CCDC178: variants seen among roughly 807,000 people sequenced by gnomAD.
CCDC178 encodes coiled-coil domain containing 178.
CCDC178 carries 126 observed loss-of-function variants against 117.4 expected under a neutral mutation model. That is an observed-to-expected ratio of 1.07 (90% CI 0.93 to 1.24). The LOEUF (loss-of-function observed/expected upper bound fraction) is 1.24, where lower values mean the gene tolerates loss of function less well. Among genes scored for constraint, CCDC178 ranks in the 50% most tolerant of loss-of-function variants. CCDC178 has a pLI of 0.00. For missense variants in CCDC178, 1,030 were observed against 986.9 expected (o/e 1.04, Z -0.59); for synonymous variants, 283 against 313.4 (o/e 0.90, Z 1.02).
At chr18:33,271,309 G>A (rs2059886641) in intron 12 of CCDC178, among the ~76,000 whole-genome samples, 1 of 151,344 alleles carries the variant, frequency 6.6e-6, no homozygotes, top group Non-Finnish European at 1.5e-5. Flanking sequence ...GACGGAATGA[G>A]TTTGAAGGAA....
chr18:32,938,131 CATTA>C, intron 22 of CCDC178, 40 bp from the exon 23 acceptor site: 12 of 1,340,950 alleles, frequency 8.9e-6, no homozygotes, highest in Non-Finnish European at 1.3e-5. Flanking sequence ...AATAAGTACT[CATTA>C]ATTAAGAAAA....
rs746505005 is a variant in CCDC178, at chr18:33,091,324, C to CTTTTT, written c.2388+1432_2388+1436dup. Among the ~76,000 whole-genome samples, 302 of 43,896 alleles carry CTTTTT rather than the reference C, an allele frequency of 6.9e-3. 49 individuals carry two copies. The highest frequency in any genetic ancestry group is 0.02 in the African/African-American group (253 of 12,460). 28.8% of individuals were successfully genotyped at this position (43,896 alleles called of 152,430 possible). A position where few individuals can be genotyped will look rare whatever the true frequency, so the allele number is the denominator to read the frequency against. On this transcript the variant is annotated intron_variant, in intron 21 of 22. Coordinates refer to ENST00000383096, the MANE Select transcript of CCDC178 (RefSeq NM_001105528.4). Reference sequence around the variant, plus strand: ...CTTTCCCAAACACACTTATTTCATTCTTTTTTTTTTTTTTTTTTTTTTTTT... The same window carrying CTTTTT: ...CTTTCCCAAACACACTTATTTCATTCTTTTTTTTTTTTTTTTTTTTTTTTTTTTTT...
At chr18:33,140,820 CA>C (rs954622451) in intron 20 of CCDC178, among the ~76,000 whole-genome samples, 2 of 152,060 alleles carry the variant, frequency 1.3e-5, no homozygotes, top group Non-Finnish European at 2.9e-5. Context: ...TTGGATGTGC[CA>C]GGAATGGAAT....
chr18:33,000,155 A>T (rs982923684), intron 21 of CCDC178, among the ~76,000 whole-genome samples: 4 of 152,050 alleles, frequency 2.6e-5, no homozygotes, highest in African/African-American at 9.7e-5. Flanking sequence ...TGAAATAATT[A>T]AAAAGAACCA....
chr18:33,246,735 T>A (rs1017681908), intron 14 of CCDC178, among the ~76,000 whole-genome samples: 2 of 151,714 alleles, frequency 1.3e-5, no homozygotes, highest in African/African-American at 4.8e-5. Flanking sequence ...GGGCTTTGCA[T>A]GAGCTGTGCT....
chr18:33,419,025 C>G (rs1263547040), intron 2 of CCDC178, among the ~76,000 whole-genome samples: 1 of 151,742 alleles, frequency 6.6e-6, no homozygotes, highest in African/African-American at 2.4e-5. Flanking sequence ...ATAAAAAAAT[C>G]CCCACTTCAA....
At chr18:33,067,364 A>T (rs983324799) in intron 21 of CCDC178, among the ~76,000 whole-genome samples, 1 of 152,228 alleles carries the variant, frequency 6.6e-6, no homozygotes, top group Admixed American at 6.5e-5. Flanking sequence ...CAGTGCTAAG[A>T]GGGAAGTTTA....
At chr18:32,949,637 C>G (rs1267409312) in intron 22 of CCDC178, among the ~76,000 whole-genome samples, 1 of 152,076 alleles carries the variant, frequency 6.6e-6, no homozygotes, top group Admixed American at 6.6e-5. Flanking sequence ...ATATGGGATA[C>G]TGTTATAACT....
chr18:33,381,699 G>A (rs1198849244), intron 5 of CCDC178, among the ~76,000 whole-genome samples: 2 of 151,964 alleles, frequency 1.3e-5, no homozygotes, highest in Non-Finnish European at 2.9e-5. Flanking sequence ...TGCAGACCAT[G>A]CAAATTGGTC....
chr18:32,938,801 G>T (rs1230772780), intron 22 of CCDC178, among the ~76,000 whole-genome samples: 1 of 152,080 alleles, frequency 6.6e-6, no homozygotes, highest in Non-Finnish European at 1.5e-5. Context: ...TTGTCTTAAG[G>T]TTTATCTATT....
At chr18:33,090,544 G>A (rs1263448988) in intron 21 of CCDC178, among the ~76,000 whole-genome samples, 2 of 152,106 alleles carry the variant, frequency 1.3e-5, no homozygotes, top group African/African-American at 4.8e-5. Flanking sequence ...AAATATTAAA[G>A]AGTTTTCCAT....
At chr18:33,174,907 T>C (rs1395528315) in intron 20 of CCDC178, among the ~76,000 whole-genome samples, 3 of 152,112 alleles carry the variant, frequency 2.0e-5, no homozygotes, top group African/African-American at 7.2e-5. Flanking sequence ...CAGGCTGGAG[T>C]GCAGTGGCGT....
chr18:33,360,402 A>T (rs2063109681), intron 6 of CCDC178, among the ~76,000 whole-genome samples: 1 of 151,460 alleles, frequency 6.6e-6, no homozygotes, highest in Admixed American at 6.6e-5. Flanking sequence ...TACACAATAG[A>T]TTATTCAGCT....
At chr18:33,189,260 G>A (rs1287922061) in intron 20 of CCDC178, among the ~76,000 whole-genome samples, 5 of 152,122 alleles carry the variant, frequency 3.3e-5, no homozygotes, top group Admixed American at 2.0e-4. Context: ...ATAACAAGAT[G>A]AGGGGTTTGC....
chr18:33,043,049 T>C (rs1366617419), intron 21 of CCDC178, among the ~76,000 whole-genome samples: 2 of 152,004 alleles, frequency 1.3e-5, no homozygotes, highest in African/African-American at 4.8e-5. Context: ...CACTGATTAC[T>C]TAATTTTCAA....
At chr18:33,353,074 G>A (rs114820026) in intron 7 of CCDC178, among the ~76,000 whole-genome samples, 64 of 151,468 alleles carry the variant, frequency 4.2e-4, no homozygotes, top group African/African-American at 1.5e-3. Flanking sequence ...TTATATGTCT[G>A]TTTTGAGGTT....
At chr18:33,340,824 G>C (rs532397924) in intron 9 of CCDC178, among the ~76,000 whole-genome samples, 35 of 152,308 alleles carry the variant, frequency 2.3e-4, no homozygotes, top group African/African-American at 8.4e-4. Context: ...TGGATGTCCA[G>C]GCAAAAGTTT....
intron 20 of CCDC178, among the ~76,000 whole-genome samples, chr18:33,175,628 G>A (rs2058656400): frequency 6.6e-6 from 1 of 152,158 alleles, no homozygotes; most frequent in South Asian, 2.1e-4. Flanking sequence ...CTAAGCAGAG[G>A]CCACTGCAAT....
At chr18:33,434,432 T>C (rs2064262443) in intron 2 of CCDC178, among the ~76,000 whole-genome samples, 1 of 152,168 alleles carries the variant, frequency 6.6e-6, no homozygotes, top group South Asian at 2.1e-4. Flanking sequence ...TATAATTTTA[T>C]ACATGATTTC....
Sources: gnomAD v4.1 joint callset for allele counts (sites outside exome capture counted in the v4.1 genomes callset) on GRCh38, gnomAD v4.1.1 for gene constraint, MANE v1.5 for transcripts, NCBI Gene and HGNC (gene_info 2026-07-23, HGNC 2026-07-21) for gene names.